The following PCDHGA9 variants were observed in gnomAD, a reference collection of about 807,000 sequenced individuals.
PCDHGA9 encodes the protein protocadherin gamma subfamily A, 9.
Under a neutral mutation model 62.5 loss-of-function variants are expected in PCDHGA9, and 37 were observed. That is an observed-to-expected ratio of 0.59 (90% CI 0.46 to 0.78). The LOEUF (loss-of-function observed/expected upper bound fraction) is 0.78. PCDHGA9 is among the 30% of genes least tolerant of loss of function. The probability of loss-of-function intolerance (pLI) is 0.00; values close to 1 mark genes in which losing one functional copy is unlikely to be tolerated. For missense variants in PCDHGA9, 1,138 were observed against 1,166.2 expected (o/e 0.98, Z 0.35); for synonymous variants, 459 against 484.6 (o/e 0.95, Z 0.69).
At chr5:141,484,989 T>C (rs1295192640) in intron 1 of PCDHGA9, 4 of 604,024 alleles carry the variant, frequency 6.6e-6, no homozygotes, top group Non-Finnish European at 1.2e-5. Context: ...AATCGGGTGG[T>C]GAAAGGCAGA....
At chr5:141,410,458 T>A in intron 1 of PCDHGA9, 1 of 1,614,040 alleles carries the variant, frequency 6.2e-7, no homozygotes, top group African/African-American at 1.3e-5. Flanking sequence ...CTTATTCTTA[T>A]AATCTGTGCA....
intron 1 of PCDHGA9, chr5:141,409,621 A>G: frequency 6.2e-7 from 1 of 1,613,852 alleles, no homozygotes; most frequent in Non-Finnish European, 8.5e-7. Context: ...CCATTGCGCA[A>G]GTGAGCGCCT....
chr5:141,409,546 C>T lies in PCDHGA9; in HGVS notation c.2424+4170C>T, dbSNP rs775680397. 19 of 1,613,880 alleles carry T rather than the reference C, an allele frequency of 1.2e-5. No individual in the cohort carries two copies. The South Asian group carries it at 2.0e-4, about 17-fold the overall frequency. ...TGTATGTCGCTGACATCAACGACAA[C>T]GCCCCAGTTTTCGACCAGACGTCCT... On this transcript the variant is annotated intron_variant, in intron 1 of 3. Coordinates refer to ENST00000573521, the MANE Select transcript of PCDHGA9 (RefSeq NM_018921.3).
intron 1 of PCDHGA9, chr5:141,418,422 G>T: frequency 6.2e-7 from 1 of 1,613,996 alleles, no homozygotes; most frequent in Non-Finnish European, 8.5e-7. Context: ...AATCCTGATG[G>T]TGGCAAATAT....
chr5:141,461,058 T>C (rs1450016344), intron 1 of PCDHGA9, among the ~76,000 whole-genome samples: 2 of 152,010 alleles, frequency 1.3e-5, no homozygotes, highest in Admixed American at 1.3e-4. Context: ...CTTAGGTTGG[T>C]TTCACATTTT....
At position 141,415,363 on chromosome 5, in the gene PCDHGA9, C is replaced by T. The variant is rs62378454; in HGVS notation, c.2424+9987C>T. 7,186 of 1,614,240 alleles carry T rather than the reference C, an allele frequency of 4.5e-3. 30 individuals carry two copies. Among genetic ancestry groups the T allele is most frequent in the South Asian group, 5.6e-3 (509 of 91,092 alleles). Reference sequence around the variant, plus strand: ...GCGCTGGCACAAGTCACGCCTGCTGCAGGCTTCAGGAGGCGGCTTGACAGG... The same window carrying T: ...GCGCTGGCACAAGTCACGCCTGCTGTAGGCTTCAGGAGGCGGCTTGACAGG... On this transcript the variant is annotated intron_variant, in intron 1 of 3. Transcript: ENST00000573521.
intron 1 of PCDHGA9, chr5:141,421,623 C>T: frequency 6.2e-7 from 1 of 1,613,810 alleles, no homozygotes. Flanking sequence ...ATAACGCCCC[C>T]AGCTTCCAGG....
chr5:141,413,863 G>T, intron 1 of PCDHGA9: 1 of 1,613,356 alleles, frequency 6.2e-7, no homozygotes, highest in Non-Finnish European at 8.5e-7. Flanking sequence ...ATCTGGCACT[G>T]TCCTTGTCAG....
At chr5:141,440,838 C>A (rs2098204954) in intron 1 of PCDHGA9, 1 of 152,102 alleles carries the variant, frequency 6.6e-6, no homozygotes, top group African/African-American at 2.4e-5. Context: ...TTGGTTGAAG[C>A]CAATGACAAC....
Position 141,477,535 on chromosome 5 carries a change from G to A in PCDHGA9, c.2425-17272G>A, listed in dbSNP as rs2099412713. ...ACATTGAAGAAAACAACCTCCCCGG[G>A]GCTCCAATACTAAACCTAAGTGTCT... On this transcript the variant is annotated intron_variant, in intron 1 of 3. Transcript: ENST00000573521. The surrounding 1 kb of genome is among the most constrained non-coding windows in gnomAD (Gnocchi z 4.9). 1.2e-6 allele frequency: 2 copies of A among 1,613,936 alleles called. No homozygotes were observed. The highest frequency in any genetic ancestry group is 2.7e-5 in the African/African-American group (2 of 74,866).
In PCDHGA9 at chr5:141,404,208, A is replaced by G. The variant is rs1411239715; in HGVS notation, c.1256A>G (p.Asn419Ser). Residue 419 changes from asparagine (N) to serine (S), a missense_variant, in exon 1 of 4, where the codon AAT (asparagine) becomes AGT (serine). Physicochemically the swap from Asn to Ser is conservative, Grantham distance 46 (BLOSUM62 1). Transcript: ENST00000573521. ...ILDREKASEYNITVTATDRGT... is the reference protein window; with the variant it reads ...ILDREKASEYSITVTATDRGT... ...GACCGAGAAAAAGCCTCAGAATATA[A>G]TATCACGGTGACTGCAACAGACAGA... The G allele has an allele frequency of 6.2e-7, 1 of 1,613,782 alleles. No homozygotes were observed. Among genetic ancestry groups the G allele is most frequent in the Admixed American group, 1.7e-5 (1 of 59,998 alleles).
At chr5:141,418,435 A>G (rs1237542659) in intron 1 of PCDHGA9, 1 of 1,614,038 alleles carries the variant, frequency 6.2e-7, no homozygotes, top group South Asian at 1.1e-5. Context: ...GCAAATATCC[A>G]GAATTAGTAT....
chr5:141,462,011 C>T (rs567038580), intron 1 of PCDHGA9, among the ~76,000 whole-genome samples: 32 of 152,182 alleles, frequency 2.1e-4, no homozygotes, highest in Admixed American at 5.9e-4. Flanking sequence ...TTAATAGAGA[C>T]GGGGTTTCTT....
chr5:141,467,129 T>G (rs2099137740), intron 1 of PCDHGA9, among the ~76,000 whole-genome samples: 1 of 151,826 alleles, frequency 6.6e-6, no homozygotes, highest in Non-Finnish European at 1.5e-5. Context: ...CTCAGCTCAC[T>G]GCAACCTCTG....
chr5:141,496,621 C>A (rs1297797187), intron 2 of PCDHGA9, among the ~76,000 whole-genome samples: 1 of 152,214 alleles, frequency 6.6e-6, no homozygotes. Context: ...AGCAGCAGAT[C>A]AAAAGGCTTG....
Position 141,404,600 on chromosome 5 carries a change from CTGTT to C in PCDHGA9, c.1654_1657del (p.Val552TrpfsTer36), listed in dbSNP as rs901473063. The C allele has an allele frequency of 5.6e-6, 9 of 1,613,938 alleles. No individual in the cohort carries two copies. The highest frequency in any genetic ancestry group is 2.2e-5 in the East Asian group (1 of 44,888). ...ACTTAGCAGCAATGTGTCATTGAGA[CTGTT>C]TGTTTTGGACCAGAATGACAATGCC... On this transcript the variant is annotated frameshift_variant, in exon 1 of 4. Coordinates refer to ENST00000573521, the MANE Select transcript of PCDHGA9 (RefSeq NM_018921.3). LOFTEE classifies it high-confidence loss of function.
intron 1 of PCDHGA9, 72 bp downstream of exon 1, chr5:141,405,448 C>A: frequency 5.3e-6 from 7 of 1,314,660 alleles, no homozygotes; most frequent in South Asian, 1.3e-5. Context: ...GAGACAGAGT[C>A]TTACTCTGTT....
chr5:141,431,320 C>T lies in PCDHGA9; in HGVS notation c.2424+25944C>T. On this transcript the variant is annotated intron_variant, in intron 1 of 3. Coordinates refer to ENST00000573521, the MANE Select transcript of PCDHGA9 (RefSeq NM_018921.3). The surrounding 1 kb of genome is among the most constrained non-coding windows in gnomAD (Gnocchi z 4.8). ...CCCTCATCGTGCAAAATGGAGCCGA[C>T]GGTAGTAAGTACCCCGAATTGGTGC... is the stretch of plus-strand genomic sequence containing the variant. 1 of 1,614,102 alleles carries T rather than the reference C, an allele frequency of 6.2e-7. No homozygotes were observed. Among genetic ancestry groups the T allele is most frequent in the Non-Finnish European group, 8.5e-7 (1 of 1,180,038 alleles).
rs1253121982 is a variant in PCDHGA9, at chr5:141,402,994, C to A, written c.42C>A (p.Val14=). The A allele has an allele frequency of 6.2e-7, 1 of 1,613,722 alleles. No homozygotes were observed. Among genetic ancestry groups the A allele is most frequent in the Non-Finnish European group, 8.5e-7 (1 of 1,179,780 alleles). ...AATGCCAGCTCCGCGGAAGATTAGT[C>A]CTGCTATGCTCGCTCCTGGGGATGC... ...PTKCQLRGRL[V]LLCSLLGMLW... is the part of the protein sequence containing the mutation. Residue 14 remains valine, a synonymous_variant, in exon 1 of 4, where the codon GTC becomes GTA. Transcript: ENST00000573521.
Sources: gnomAD v4.1 joint callset for allele counts (sites outside exome capture counted in the v4.1 genomes callset) on GRCh38, gnomAD v4.1.1 for gene constraint, Gnocchi (gnomAD v3.1) non-coding constraint, MANE v1.5 for transcripts, NCBI Gene and HGNC (gene_info 2026-07-23, HGNC 2026-07-21) for gene names.